The following SAMD13 variants were observed in gnomAD, a reference collection of about 807,000 sequenced individuals.
The protein encoded by SAMD13 is sterile alpha motif domain containing 13.
In SAMD13, 9 loss-of-function variants were observed where a neutral mutation model predicts 12.4. That is an observed-to-expected ratio of 0.72 (90% CI 0.44 to 1.26). SAMD13 has a LOEUF of 1.26. Among genes scored for constraint, SAMD13 ranks in the 50% most tolerant of loss-of-function variants. The pLI, the probability that SAMD13 is intolerant of heterozygous loss-of-function variation, is 0.00. For synonymous variants in SAMD13, 46 were observed against 45.4 expected (o/e 1.01, Z -0.05); for missense variants, 84 against 119.6 (o/e 0.70, Z 1.39).
At chr1:84,312,821 C>T (rs1378091275) in intron 2 of SAMD13, among the ~76,000 whole-genome samples, 1 of 152,128 alleles carries the variant, frequency 6.6e-6, no homozygotes, top group Non-Finnish European at 1.5e-5. Flanking sequence ...ACTTCAAATG[C>T]TCAGTGGACA....
intron 2 of SAMD13, among the ~76,000 whole-genome samples, chr1:84,311,346 A>AAAAAG (rs1204286594): frequency 1.3e-3 from 185 of 139,656 alleles, no homozygotes; most frequent in South Asian, 2.3e-3. Context: ...AAAAAAAAAA[A>AAAAAG]AAAAGAAAAG....
rs548045301 is a variant in SAMD13 at position 84,324,672 on chromosome 1, G to A, written c.54-965G>A. ...GACCTCCAAAGCAAAGTTAGGCTATGTGATTGGATGTACACTCTGGGAAAA... is the reference window on the plus strand; with the variant it reads ...GACCTCCAAAGCAAAGTTAGGCTATATGATTGGATGTACACTCTGGGAAAA... On this transcript the variant is annotated intron_variant, in intron 2 of 3. Coordinates refer to ENST00000394834, the MANE Select transcript of SAMD13 (RefSeq NM_001134663.2). Among the ~76,000 whole-genome samples the A allele has an allele frequency of 2.3e-3, 349 of 152,284 alleles. 1 individual carries two copies. Among genetic ancestry groups the A allele is most frequent in the African/African-American group, 7.3e-3 (303 of 41,564 alleles).
chr1:84,303,301 GC>G lies in SAMD13; in HGVS notation c.53+15del. On this transcript the variant is annotated intron_variant, in intron 2 of 3. Transcript: ENST00000394834. ...CGGTGTAAAAAAGTAAGTGAAGCTG[GC>G]TTCTGAGTTCTGCTTCTGCAAACAA... 1 of 1,602,910 alleles carries G rather than the reference GC, an allele frequency of 6.2e-7. No homozygotes were observed.
At chr1:84,323,760 G>A (rs2101803416) in intron 2 of SAMD13, among the ~76,000 whole-genome samples, 1 of 151,966 alleles carries the variant, frequency 6.6e-6, no homozygotes, top group South Asian at 2.1e-4. Context: ...AAGTAACCTG[G>A]ATGTTTTCAA....
chr1:84,336,251 A>T (rs1249098818), intron 3 of SAMD13, among the ~76,000 whole-genome samples: 1 of 151,842 alleles, frequency 6.6e-6, no homozygotes, highest in Non-Finnish European at 1.5e-5. Context: ...TTCTTTTTAA[A>T]TTTTTTTCTT....
chr1:84,346,181 A>G (rs1244084448), intron 3 of SAMD13, among the ~76,000 whole-genome samples: 1 of 152,208 alleles, frequency 6.6e-6, no homozygotes, highest in Non-Finnish European at 1.5e-5. Context: ...CCCAGGCCCC[A>G]CTAATAAGCA....
intron 3 of SAMD13, among the ~76,000 whole-genome samples, chr1:84,348,479 A>G (rs368213740): frequency 2.0e-5 from 3 of 151,968 alleles, no homozygotes; most frequent in East Asian, 1.9e-4. Context: ...ATAACCATGC[A>G]CAGAAATGTC....
intron 3 of SAMD13, among the ~76,000 whole-genome samples, chr1:84,327,399 T>TA (rs1039516336): frequency 6.6e-5 from 10 of 152,000 alleles, no homozygotes; most frequent in Non-Finnish European, 1.2e-4. Context: ...CAATCAGTGG[T>TA]AAAAAAACAA....
intron 2 of SAMD13, among the ~76,000 whole-genome samples, chr1:84,305,732 G>T (rs1439069690): frequency 1.3e-5 from 2 of 152,116 alleles, no homozygotes; most frequent in Non-Finnish European, 2.9e-5. Flanking sequence ...GGTGGTAGTG[G>T]TGCTATGGAT....
intron 3 of SAMD13, among the ~76,000 whole-genome samples, chr1:84,348,732 A>G (rs1679586500): frequency 6.6e-6 from 1 of 152,176 alleles, no homozygotes; most frequent in Non-Finnish European, 1.5e-5. Context: ...TCTCTCCAGA[A>G]TACCTGGAGT....
At chr1:84,312,829 A>C (rs922624508) in intron 2 of SAMD13, among the ~76,000 whole-genome samples, 2 of 152,322 alleles carry the variant, frequency 1.3e-5, no homozygotes, top group African/African-American at 4.8e-5. Context: ...TGCTCAGTGG[A>C]CACATGGTAC....
intron 3 of SAMD13, among the ~76,000 whole-genome samples, chr1:84,335,036 G>A (rs1433102375): frequency 6.6e-6 from 1 of 152,072 alleles, no homozygotes; most frequent in Non-Finnish European, 1.5e-5. Context: ...TCTTAGAGGT[G>A]GAGAGTTCTG....
At chr1:84,300,206 A>G (rs1420065903), upstream of SAMD13, among the ~76,000 whole-genome samples, 3 of 152,240 alleles carry the variant, frequency 2.0e-5, no homozygotes, top group African/African-American at 7.2e-5. Flanking sequence ...TCATTTTGAG[A>G]TCAGCACTGG....
chr1:84,323,797 G>T (rs1190164843), intron 2 of SAMD13, among the ~76,000 whole-genome samples: 1 of 152,094 alleles, frequency 6.6e-6, no homozygotes, highest in East Asian at 1.9e-4. Flanking sequence ...AACCTCTCAA[G>T]CTTAGTTCTA....
At chr1:84,312,817 A>G (rs1331171072) in intron 2 of SAMD13, among the ~76,000 whole-genome samples, 7 of 152,182 alleles carry the variant, frequency 4.6e-5, no homozygotes, top group African/African-American at 1.2e-4. Context: ...TCAAACTTCA[A>G]ATGCTCAGTG....
At chr1:84,307,203 A>G (rs781243598) in intron 2 of SAMD13, among the ~76,000 whole-genome samples, 74 of 152,176 alleles carry the variant, frequency 4.9e-4, no homozygotes, top group Non-Finnish European at 1.0e-3. Context: ...TTGTCCCATA[A>G]TTCATTGATG....
At position 84,303,234 on chromosome 1, in the gene SAMD13, C is replaced by T. The variant is rs768656475; in HGVS notation, c.-1C>T. 6.2e-7 allele frequency: 1 copy of T among 1,613,098 alleles called. No homozygotes were observed. Among genetic ancestry groups the T allele is most frequent in the East Asian group, 2.2e-5 (1 of 44,856 alleles). Reference sequence around the variant, plus strand: ...AAGTAAAGGAACCCTGCAGCCTTCCCATGCTATCTGTTGACATGGAAAACA... The same window carrying T: ...AAGTAAAGGAACCCTGCAGCCTTCCTATGCTATCTGTTGACATGGAAAACA... On this transcript the variant is annotated 5_prime_UTR_variant, in exon 2 of 4. Transcript: ENST00000394834.
chr1:84,344,427 T>G (rs1011419199), intron 3 of SAMD13, among the ~76,000 whole-genome samples: 7 of 152,132 alleles, frequency 4.6e-5, no homozygotes, highest in Non-Finnish European at 1.0e-4. Context: ...TGGCTGAGAA[T>G]GTTGAGCTCA....
chr1:84,324,916 G>A (rs548716355), intron 2 of SAMD13, among the ~76,000 whole-genome samples: 2 of 152,280 alleles, frequency 1.3e-5, no homozygotes, highest in South Asian at 4.1e-4. Context: ...TATGGGTTAA[G>A]TTCCTAAGTA....
Sources: gnomAD v4.1 joint callset for allele counts (sites outside exome capture counted in the v4.1 genomes callset) on GRCh38, gnomAD v4.1.1 for gene constraint, MANE v1.5 for transcripts, NCBI Gene and HGNC (gene_info 2026-07-23, HGNC 2026-07-21) for gene names.